Variants in NELL2 observed in about 807,000 individuals in gnomAD.
NELL2 encodes the protein neural EGFL like 2.
A neutral mutation model predicts 109.6 loss-of-function variants in NELL2; 41 were observed. The ratio of observed to expected loss-of-function variants is 0.37; its 90% CI spans 0.29 to 0.49. The LOEUF (loss-of-function observed/expected upper bound fraction) is 0.49. Among genes scored for constraint, NELL2 ranks in the 20% least tolerant of loss-of-function variants. The pLI is 0.98. For missense variants in NELL2, 900 were observed against 1,008.3 expected (o/e 0.89, Z 1.45); for synonymous variants, 355 against 344.7 (o/e 1.03, Z -0.33).
At chr12:44,900,305 A>G (rs1233424070) in intron 1 of NELL2, among the ~76,000 whole-genome samples, 3 of 152,194 alleles carry the variant, frequency 2.0e-5, no homozygotes, top group Non-Finnish European at 1.5e-5. Context: ...TCAATAGAAT[A>G]TACATTCTTC....
chr12:44,877,792 T>C (rs1044695685), upstream of NELL2, among the ~76,000 whole-genome samples: 2 of 152,204 alleles, frequency 1.3e-5, no homozygotes, highest in African/African-American at 2.4e-5. Flanking sequence ...TTTAATTCTA[T>C]TTGTAACTTT....
intron 1 of NELL2, among the ~76,000 whole-genome samples, chr12:44,890,531 T>C (rs1162218735): frequency 6.6e-6 from 1 of 152,138 alleles, no homozygotes; most frequent in African/African-American, 2.4e-5. Context: ...GTTCATTCTC[T>C]AAACCCCTTC....
At chr12:44,919,935 T>C (rs11609345) in intron 1 of NELL2, among the ~76,000 whole-genome samples, 2,111 of 152,326 alleles carry the variant, frequency 0.014, 30 homozygotes, top group South Asian at 0.025. Context: ...TGTTCACTTT[T>C]TGCATAGCCA....
chr12:44,707,516 A>T (rs1937951820), intron 11 of NELL2, among the ~76,000 whole-genome samples: 1 of 152,138 alleles, frequency 6.6e-6, no homozygotes, highest in African/African-American at 2.4e-5. Flanking sequence ...GGGCCTACAT[A>T]TTCCATTTTT....
At chr12:44,864,130 G>A (rs753485618) in intron 2 of NELL2, among the ~76,000 whole-genome samples, 76 of 152,048 alleles carry the variant, frequency 5.0e-4, no homozygotes, top group Non-Finnish European at 6.0e-4. Flanking sequence ...CACAAAGGAA[G>A]ACAACAAGAG....
chr12:44,781,806 A>G (rs1941971222), intron 3 of NELL2, among the ~76,000 whole-genome samples: 1 of 152,060 alleles, frequency 6.6e-6, no homozygotes, highest in African/African-American at 2.4e-5. Context: ...CAGCAAAAAC[A>G]TCCTTCAGGA....
chr12:44,883,643 A>G (rs920375140), intron 1 of NELL2, among the ~76,000 whole-genome samples: 12 of 152,078 alleles, frequency 7.9e-5, no homozygotes, highest in Admixed American at 7.9e-4. Context: ...GTTTTAACAT[A>G]TGTAGATTTA....
At chr12:44,640,933 G>A (rs1394945220) in intron 13 of NELL2, among the ~76,000 whole-genome samples, 1 of 152,108 alleles carries the variant, frequency 6.6e-6, no homozygotes. Context: ...GGGTTGGAAA[G>A]AACTATGTTT....
intron 15 of NELL2, among the ~76,000 whole-genome samples, chr12:44,591,777 C>T (rs961180501): frequency 6.6e-6 from 1 of 152,090 alleles, no homozygotes; most frequent in African/African-American, 2.4e-5. Flanking sequence ...ATGTTCCCAA[C>T]ACAAAGAAAT....
chr12:44,578,098 T>C (rs535071840), intron 15 of NELL2, among the ~76,000 whole-genome samples: 1 of 152,334 alleles, frequency 6.6e-6, no homozygotes, highest in African/African-American at 2.4e-5. Context: ...TCAGTAAGTA[T>C]CTATTGAAGT....
chr12:44,587,284 A>T (rs4768062), intron 15 of NELL2, among the ~76,000 whole-genome samples: 86 of 72,222 alleles, frequency 1.2e-3, no homozygotes, highest in Middle Eastern at 9.3e-3. Flanking sequence ...AAAAAAAAAA[A>T]ATATATATAT....
Position 44,876,285 on chromosome 12 carries a change from C to T in NELL2, c.-416G>A, listed in dbSNP as rs1359737926. ...CCCCGCACCCCCCCGTCTTCCCCGC[C>T]GCCCGAACCTGTTGTAAAGGCAGAG... is the stretch of plus-strand genomic sequence containing the variant. On this transcript the variant is annotated 5_prime_UTR_variant, in exon 1 of 20. Coordinates refer to ENST00000429094, the MANE Select transcript of NELL2 (RefSeq NM_001145108.2). 3 of 1,157,126 alleles carry T rather than the reference C, an allele frequency of 2.6e-6. No homozygotes were observed. Among genetic ancestry groups the T allele is most frequent in the Non-Finnish European group, 3.2e-6 (3 of 938,228 alleles). 71.7% of individuals were successfully genotyped at this position (1,157,126 alleles called of 1,614,324 possible). A position where few individuals can be genotyped will look rare whatever the true frequency, so the allele number is the denominator to read the frequency against.
At chr12:44,727,816 T>C (rs1939159710) in intron 9 of NELL2, among the ~76,000 whole-genome samples, 1 of 152,078 alleles carries the variant, frequency 6.6e-6, no homozygotes, top group African/African-American at 2.4e-5. Context: ...AATTAAATTA[T>C]TGCCAAAATT....
intron 19 of NELL2, among the ~76,000 whole-genome samples, chr12:44,516,271 G>A (rs1941251584): frequency 6.6e-6 from 1 of 151,934 alleles, no homozygotes; most frequent in Admixed American, 6.6e-5. Flanking sequence ...AATTCTGTAT[G>A]ACAATGTTGA....
chr12:44,838,310 T>C (rs1944117102), intron 2 of NELL2, among the ~76,000 whole-genome samples: 1 of 152,236 alleles, frequency 6.6e-6, no homozygotes, highest in Non-Finnish European at 1.5e-5. Context: ...GAGGATGCTT[T>C]GAAAGGTAAG....
intron 12 of NELL2, among the ~76,000 whole-genome samples, chr12:44,680,808 C>A (rs1181251354): frequency 6.6e-6 from 1 of 152,112 alleles, no homozygotes; most frequent in Non-Finnish European, 1.5e-5. Context: ...TCCCCCAAAT[C>A]GCAGTTATTG....
At chr12:44,794,102 G>A (rs114299947) in intron 3 of NELL2, among the ~76,000 whole-genome samples, 2,196 of 152,224 alleles carry the variant, frequency 0.014, 51 homozygotes, top group African/African-American at 0.05. Context: ...CAGCAGGATG[G>A]TTGAACATCT....
At chr12:44,739,724 C>T (rs1939840466) in intron 9 of NELL2, among the ~76,000 whole-genome samples, 1 of 152,030 alleles carries the variant, frequency 6.6e-6, no homozygotes, top group African/African-American at 2.4e-5. Context: ...AACCTCATCT[C>T]TAATAAAAAT....
chr12:44,580,041 T>G (rs898296203), intron 15 of NELL2, among the ~76,000 whole-genome samples: 34 of 152,178 alleles, frequency 2.2e-4, no homozygotes, highest in Non-Finnish European at 8.8e-5. Context: ...AAAAAATACG[T>G]GTTTCAGAAT....
Sources: allele counts gnomAD v4.1 joint callset (sites outside exome capture counted in the v4.1 genomes callset), GRCh38; gene constraint gnomAD v4.1.1; transcripts MANE v1.5; gene names NCBI Gene and HGNC (gene_info 2026-07-23, HGNC 2026-07-21).